NFIB: variants seen among roughly 807,000 people sequenced by gnomAD.
NFIB encodes nuclear factor I B, also known as nuclear factor 1 B-type.
A neutral mutation model predicts 61.5 loss-of-function variants in NFIB; 11 were observed. The observed-to-expected ratio is 0.18, with a 90% CI of 0.11 to 0.30. The LOEUF is 0.30. NFIB is among the 10% of genes least tolerant of loss of function. The pLI is 1.00. For synonymous variants in NFIB, 260 were observed against 216.5 expected (o/e 1.20, Z -1.76); for missense variants, 471 against 608.9 (o/e 0.77, Z 2.38).
exon 1 of NFIB, chr9:14,398,885 C>G (rs1165678966): frequency 2.7e-6 from 1 of 368,408 alleles, no homozygotes; most frequent in African/African-American, 2.1e-5. Context: ...AGTCTTGCTC[C>G]GACATGTGAA....
chr9:14,136,980 T>A (rs542740698), intron 6 of NFIB, among the ~76,000 whole-genome samples: 2 of 152,176 alleles, frequency 1.3e-5, no homozygotes, highest in African/African-American at 2.4e-5. Context: ...ATTCTGTCAA[T>A]GAAATTACTA....
chr9:14,216,192 G>C (rs2050838708), intron 2 of NFIB, among the ~76,000 whole-genome samples: 1 of 152,046 alleles, frequency 6.6e-6, no homozygotes, highest in South Asian at 2.1e-4. Context: ...TTTTTTCTTT[G>C]TGTACTTTCC....
At chr9:14,362,370 C>T (rs1292571415) in intron 1 of NFIB, 2 of 152,184 alleles carry the variant, frequency 1.3e-5, no homozygotes, top group East Asian at 3.9e-4. Flanking sequence ...TTATGAACAT[C>T]AAGAACTGGG....
intron 1 of NFIB, among the ~76,000 whole-genome samples, chr9:14,334,385 G>A (rs7018689): frequency 0.56 from 85,193 of 152,032 alleles, 25,086 homozygotes; most frequent in East Asian, 0.75. Flanking sequence ...ATATTCCAAC[G>A]TATAGCAATA....
chr9:14,497,562 C>T, the NFIB span, among the ~76,000 whole-genome samples: 1 of 152,178 alleles, frequency 6.6e-6, no homozygotes, highest in Non-Finnish European at 1.5e-5. Context: ...GTTTAAGACA[C>T]TTTTCAAATG....
At chr9:14,368,015 TACCAA>T (rs1439863860) in intron 1 of NFIB, among the ~76,000 whole-genome samples, 1 of 152,062 alleles carries the variant, frequency 6.6e-6, no homozygotes, top group Non-Finnish European at 1.5e-5. Context: ...GTATCCCAGG[TACCAA>T]ACATGGCACA....
chr9:14,229,984 G>C (rs1351933178), intron 2 of NFIB, among the ~76,000 whole-genome samples: 1 of 152,152 alleles, frequency 6.6e-6, no homozygotes, highest in Non-Finnish European at 1.5e-5. Flanking sequence ...TGTATTTTTA[G>C]TAGAGACAGG....
intron 2 of NFIB, among the ~76,000 whole-genome samples, chr9:14,244,506 G>C (rs993069865): frequency 2.0e-5 from 3 of 152,172 alleles, no homozygotes; most frequent in African/African-American, 7.2e-5. Flanking sequence ...TAATGGGAAT[G>C]AGTATAGTAA....
chr9:14,456,943 G>T, the NFIB span, among the ~76,000 whole-genome samples: 1 of 152,158 alleles, frequency 6.6e-6, no homozygotes, highest in African/African-American at 2.4e-5. Flanking sequence ...CGAATGCCCA[G>T]TTTTGGACGA....
At chr9:14,401,593 C>T (rs1363290111), upstream of NFIB, among the ~76,000 whole-genome samples, 1 of 152,144 alleles carries the variant, frequency 6.6e-6, no homozygotes. Flanking sequence ...TCTATATTCC[C>T]TTATGTTGCT....
chr9:14,098,253 G>C (rs926127954), intron 10 of NFIB, among the ~76,000 whole-genome samples: 1 of 152,150 alleles, frequency 6.6e-6, no homozygotes, highest in Non-Finnish European at 1.5e-5. Flanking sequence ...TTAGCCATCT[G>C]AAGACTTCTT....
intron 8 of NFIB, among the ~76,000 whole-genome samples, chr9:14,119,893 C>CA (rs1044979866): frequency 2.0e-5 from 3 of 151,384 alleles, no homozygotes; most frequent in East Asian, 1.9e-4. Context: ...ACAATGTTTC[C>CA]AAAAAAAAGA....
intron 1 of NFIB, among the ~76,000 whole-genome samples, chr9:14,351,878 G>C (rs1247774575): frequency 6.6e-6 from 1 of 152,178 alleles, no homozygotes; most frequent in African/African-American, 2.4e-5. Flanking sequence ...TTGAAAAGCA[G>C]CTACTATGTT....
At chr9:14,207,553 G>A (rs4741346) in intron 2 of NFIB, among the ~76,000 whole-genome samples, 35,318 of 152,088 alleles carry the variant, frequency 0.23, 4,226 homozygotes, top group South Asian at 0.38. Flanking sequence ...GGGCCAGCTC[G>A]GCATGAGCAG....
In NFIB at chr9:14,104,208, C is replaced by T. The variant is rs376151001; in HGVS notation, c.1467+8791G>A. ...GATTACAGGTGTGAGCCACGGGTGCCTGGTCATAAATACTCTTAAAATGGA... is the reference window on the plus strand; with the variant it reads ...GATTACAGGTGTGAGCCACGGGTGCTTGGTCATAAATACTCTTAAAATGGA... On this transcript the variant is annotated intron_variant, in intron 10 of 10. Coordinates refer to ENST00000380953, the MANE Select transcript of NFIB (RefSeq NM_001190737.2). 1.6e-4 allele frequency among the ~76,000 whole-genome samples: 25 copies of T among 152,084 alleles called. No homozygotes were observed. The South Asian group carries it at 5.0e-3, about 30-fold the overall frequency.
At chr9:14,475,340 G>C in the NFIB span, among the ~76,000 whole-genome samples, 5 of 152,186 alleles carry the variant, frequency 3.3e-5, no homozygotes, top group African/African-American at 9.7e-5. Context: ...ATGCAAAATA[G>C]GATAAGAACC....
chr9:14,290,268 A>G (rs1483614333), intron 2 of NFIB, among the ~76,000 whole-genome samples: 4 of 152,054 alleles, frequency 2.6e-5, no homozygotes, highest in Middle Eastern at 3.2e-3. Context: ...AATTTTTGCC[A>G]TATACCTAGG....
At chr9:14,184,832 C>T (rs1282066019) in intron 2 of NFIB, among the ~76,000 whole-genome samples, 1 of 152,042 alleles carries the variant, frequency 6.6e-6, no homozygotes, top group Non-Finnish European at 1.5e-5. Flanking sequence ...ACCAGCCTGG[C>T]CAACGTGGTG....
chr9:14,257,960 G>A (rs1023506051), intron 2 of NFIB, among the ~76,000 whole-genome samples: 2 of 152,014 alleles, frequency 1.3e-5, no homozygotes, highest in Non-Finnish European at 2.9e-5. Flanking sequence ...CCTATAAATA[G>A]ATTTTGTTTA....
Sources: gnomAD v4.1 joint callset for allele counts (sites outside exome capture counted in the v4.1 genomes callset) on GRCh38, gnomAD v4.1.1 for gene constraint, MANE v1.5 for transcripts, NCBI Gene and HGNC (gene_info 2026-07-23, HGNC 2026-07-21) for gene names.